Variants in LHPP observed in about 807,000 individuals in gnomAD.
LHPP encodes hLHPP.
A neutral mutation model predicts 30.3 loss-of-function variants in LHPP; 24 were observed. The observed-to-expected ratio is 0.79, with a 90% CI of 0.57 to 1.11. The LOEUF (loss-of-function observed/expected upper bound fraction) is 1.11. Among genes scored for constraint, LHPP ranks in the 50% most tolerant of loss-of-function variants. The probability of loss-of-function intolerance (pLI) is 0.00; values close to 1 mark genes in which losing one functional copy is unlikely to be tolerated. For missense variants in LHPP, 356 were observed against 367.2 expected, an observed-to-expected ratio of 0.97 and a Z score of 0.25; for synonymous variants, 150 against 157.1, an observed-to-expected ratio of 0.95 and a Z score of 0.34.
intron 6 of LHPP, among the ~76,000 whole-genome samples, chr10:124,580,236 C>G (rs1223435552): frequency 6.6e-6 from 1 of 152,210 alleles, no homozygotes; most frequent in Non-Finnish European, 1.5e-5. Context: ...TTTATGGCCT[C>G]TTATTGGGAC....
intron 5 of LHPP, among the ~76,000 whole-genome samples, chr10:124,502,043 T>A (rs576025342): frequency 6.6e-6 from 1 of 152,114 alleles, no homozygotes; most frequent in African/African-American, 2.4e-5. Context: ...CACTTTAAAA[T>A]TGTTTTCAAC....
chr10:124,471,055 G>A (rs1314015160), intron 1 of LHPP, among the ~76,000 whole-genome samples: 1 of 152,094 alleles, frequency 6.6e-6, no homozygotes, highest in East Asian at 1.9e-4. Context: ...ACCAGCCTGT[G>A]AATATACAGA....
intron 3 of LHPP, among the ~76,000 whole-genome samples, chr10:124,494,625 G>A (rs572389845): frequency 6.6e-6 from 1 of 152,154 alleles, no homozygotes; most frequent in Non-Finnish European, 1.5e-5. Context: ...TGGCCACCCT[G>A]GTCCTCAGCA....
At chr10:124,498,660 CTTT>C (rs552228070) in intron 5 of LHPP, 9,417 of 344,692 alleles carry the variant, frequency 0.027, 19 homozygotes, top group African/African-American at 0.059. Flanking sequence ...TTTTCTTTTT[CTTT>C]TTTTTTTTTT....
chr10:124,484,556 G>C (rs1953258591), intron 2 of LHPP, among the ~76,000 whole-genome samples: 1 of 151,768 alleles, frequency 6.6e-6, no homozygotes, highest in East Asian at 1.9e-4. Flanking sequence ...CTTAGAGCAG[G>C]TTCTGGATGG....
In LHPP at chr10:124,484,353, A is replaced by G. The variant is rs751110650; in HGVS notation, c.313+27A>G. 2.5e-6 allele frequency: 4 copies of G among 1,596,472 alleles called. No homozygotes were observed. The East Asian group carries it at 9.0e-5, about 36-fold the overall frequency. ...TAGGCCTGTCGGACACCAGGACCTC[A>G]CGGGGGTGAAAGCTCCCCTTTCCCA... On this transcript the variant is annotated intron_variant, in intron 2 of 6. Coordinates refer to ENST00000368842, the MANE Select transcript of LHPP (RefSeq NM_022126.4).
intron 1 of LHPP, among the ~76,000 whole-genome samples, chr10:124,483,689 G>A (rs375155342): frequency 2.0e-5 from 3 of 152,088 alleles, no homozygotes; most frequent in Non-Finnish European, 2.9e-5. Context: ...TCTGGGAGGC[G>A]GAGGTTGCAG....
chr10:124,475,592 TC>T (rs1314689911), intron 1 of LHPP, among the ~76,000 whole-genome samples: 4 of 152,176 alleles, frequency 2.6e-5, no homozygotes, highest in Admixed American at 2.0e-4. Context: ...GACAGCCCTG[TC>T]CAGTAGCTAC....
chr10:124,603,641 G>A (rs1949055926), intron 6 of LHPP, among the ~76,000 whole-genome samples: 2 of 152,222 alleles, frequency 1.3e-5, no homozygotes, highest in Admixed American at 1.3e-4. Context: ...GCAAGGGGAG[G>A]GCGGGTCTCC....
intron 6 of LHPP, among the ~76,000 whole-genome samples, chr10:124,555,771 A>T (rs931872105): frequency 6.6e-6 from 1 of 152,156 alleles, no homozygotes; most frequent in Non-Finnish European, 1.5e-5. Context: ...TCAATATAAT[A>T]GTTTGCATTT....
chr10:124,501,232 G>A lies in LHPP; in HGVS notation c.624+3104G>A, dbSNP rs114809118. ...CATAGAGATGGAAAGGAGATTAGTGGTTGGCAGGGGTCGGGTGCAGGGGAA... is the reference window on the plus strand; with the variant it reads ...CATAGAGATGGAAAGGAGATTAGTGATTGGCAGGGGTCGGGTGCAGGGGAA... On this transcript the variant is annotated intron_variant, in intron 5 of 6. Coordinates refer to ENST00000368842, the MANE Select transcript of LHPP (RefSeq NM_022126.4). 4.7e-3 allele frequency among the ~76,000 whole-genome samples: 716 copies of A among 151,998 alleles called. 16 individuals are homozygous for A. The highest frequency in any genetic ancestry group is 0.015 in the African/African-American group (629 of 41,282).
At chr10:124,473,277 G>A (rs1212435317) in intron 1 of LHPP, among the ~76,000 whole-genome samples, 1 of 152,212 alleles carries the variant, frequency 6.6e-6, no homozygotes, top group Non-Finnish European at 1.5e-5. Context: ...CCTGCCCACT[G>A]TGGTGTGCAG....
At chr10:124,604,273 C>T (rs1018457583) in intron 6 of LHPP, among the ~76,000 whole-genome samples, 5 of 152,166 alleles carry the variant, frequency 3.3e-5, no homozygotes, top group Non-Finnish European at 5.9e-5. Flanking sequence ...AGGAGGCCAC[C>T]GACCCTCGGG....
At chr10:124,534,673 G>A (rs899615907) in intron 6 of LHPP, among the ~76,000 whole-genome samples, 4 of 152,218 alleles carry the variant, frequency 2.6e-5, no homozygotes, top group Non-Finnish European at 5.9e-5. Context: ...AGACCGCTGT[G>A]AGCGCCCGTC....
At chr10:124,575,014 C>T (rs1339318920) in intron 6 of LHPP, among the ~76,000 whole-genome samples, 1 of 152,212 alleles carries the variant, frequency 6.6e-6, no homozygotes, top group African/African-American at 2.4e-5. Context: ...CAACCTCCCC[C>T]TTGCCATCAT....
chr10:124,545,729 T>C (rs1384424273), intron 6 of LHPP, among the ~76,000 whole-genome samples: 1 of 152,122 alleles, frequency 6.6e-6, no homozygotes, highest in African/African-American at 2.4e-5. Flanking sequence ...TTAAAATGTG[T>C]CTCCTGTGGT....
At chr10:124,498,241 A>G (rs2133875473) in intron 5 of LHPP, 113 bp downstream of exon 5, 1 of 1,506,354 alleles carries the variant, frequency 6.6e-7, no homozygotes, top group Non-Finnish European at 9.2e-7. Context: ...CAGGCAGCCA[A>G]GCGTGGGCTC....
chr10:124,464,057 G>A lies in LHPP; in HGVS notation c.125+2070G>A, dbSNP rs559824887. On this transcript the variant is annotated intron_variant, in intron 1 of 6. Coordinates refer to ENST00000368842, the MANE Select transcript of LHPP (RefSeq NM_022126.4). ...CGGTCTTGAACTCCTGGGCTGAAGT[G>A]ATCTGCCTGCCTCAGCTCCCAGAGT... Among the ~76,000 whole-genome samples the A allele has an allele frequency of 2.0e-5, 3 of 152,230 alleles. No homozygotes were observed. In the South Asian group the frequency reaches 6.2e-4, roughly 32 times the overall value.
intron 1 of LHPP, among the ~76,000 whole-genome samples, chr10:124,468,598 C>T (rs1392613749): frequency 6.6e-6 from 1 of 152,172 alleles, no homozygotes; most frequent in African/African-American, 2.4e-5. Context: ...CCTTTGTGGC[C>T]TCTTCCACTG....
Sources: gnomAD v4.1 joint callset for allele counts (sites outside exome capture counted in the v4.1 genomes callset) on GRCh38, gnomAD v4.1.1 for gene constraint, MANE v1.5 for transcripts, NCBI Gene and HGNC (gene_info 2026-07-23, HGNC 2026-07-21) for gene names.